Variants in DDX46 observed in about 807,000 individuals in gnomAD.
DDX46 encodes the protein probable ATP-dependent RNA helicase DDX46.
A neutral mutation model predicts 134.9 loss-of-function variants in DDX46; 30 were observed. The ratio of observed to expected loss-of-function variants is 0.22; its 90% CI spans 0.17 to 0.30. DDX46 has a LOEUF of 0.30. Ranked by LOEUF, DDX46 falls within the 10% of genes least tolerant of loss-of-function variation. The probability of loss-of-function intolerance (pLI) is 1.00; values close to 1 mark genes in which losing one functional copy is unlikely to be tolerated. For missense variants in DDX46, 622 were observed against 1,248.7 expected (o/e 0.50, Z 7.56); for synonymous variants, 415 against 404.1 (o/e 1.03, Z -0.32).
At chr5:134,773,614 G>C in intron 4 of DDX46, 82 bp from the exon 5 acceptor site, 1 of 1,439,976 alleles carries the variant, frequency 6.9e-7, no homozygotes, top group African/African-American at 1.4e-5. Flanking sequence ...GAACTTACTG[G>C]AATGTCACTT....
intron 13 of DDX46, among the ~76,000 whole-genome samples, chr5:134,792,715 A>T (rs1025783201): frequency 8.5e-5 from 13 of 152,230 alleles, no homozygotes; most frequent in Non-Finnish European, 1.9e-4. Context: ...CAGGTACATA[A>T]GTACATATAA....
intron 18 of DDX46, among the ~76,000 whole-genome samples, chr5:134,815,219 G>A (rs1222808400): frequency 1.3e-5 from 2 of 152,086 alleles, no homozygotes; most frequent in Non-Finnish European, 2.9e-5. Context: ...AAAGCTAAAC[G>A]GACTGTTTTT....
rs186677690 is a variant in DDX46, at chr5:134,783,323, C to T, written c.1166+258C>T. Among the ~76,000 whole-genome samples the T allele has an allele frequency of 1.5e-3, 219 of 150,984 alleles. 2 individuals carry two copies. In the Middle Eastern group the frequency reaches 0.02, roughly 14 times the overall value. ...GGAGTGCAGTGGTGCAATCTCACTG[C>T]GCTCACTGTGACCTCGGCCTCCCGG... On this transcript the variant is annotated intron_variant, in intron 9 of 22. Coordinates refer to ENST00000452510, the MANE Select transcript of DDX46 (RefSeq NM_001300860.2).
At chr5:134,793,838 A>C (rs1277747153) in intron 13 of DDX46, among the ~76,000 whole-genome samples, 1 of 152,204 alleles carries the variant, frequency 6.6e-6, no homozygotes, top group East Asian at 1.9e-4. Context: ...CAGTCTGGCA[A>C]GGATTGCCCT....
chr5:134,772,631 G>A (rs1036635198), intron 4 of DDX46, among the ~76,000 whole-genome samples: 2 of 152,156 alleles, frequency 1.3e-5, no homozygotes, highest in South Asian at 2.1e-4. Flanking sequence ...AGCCTCCTGA[G>A]TAGCTGGGAT....
intron 3 of DDX46, among the ~76,000 whole-genome samples, chr5:134,769,327 GTTTT>G (rs1026334806): frequency 3.0e-5 from 3 of 100,466 alleles, no homozygotes; most frequent in East Asian, 6.9e-4. Flanking sequence ...TATTTTCAAG[GTTTT>G]TTTTTTTTTT....
chr5:134,798,173 GTTT>G (rs1200526938), intron 15 of DDX46, among the ~76,000 whole-genome samples: 15 of 140,034 alleles, frequency 1.1e-4, no homozygotes, highest in East Asian at 6.4e-4. Flanking sequence ...GCCCCCCACC[GTTT>G]TTTTTTTTTT....
At chr5:134,774,829 C>T (rs748978612) in intron 5 of DDX46, among the ~76,000 whole-genome samples, 5 of 152,032 alleles carry the variant, frequency 3.3e-5, no homozygotes, top group Non-Finnish European at 7.4e-5. Context: ...CCAGAGTAGC[C>T]ACCATGCCTG....
At chr5:134,780,216 GTA>G (rs1419437191) in intron 6 of DDX46, among the ~76,000 whole-genome samples, 7 of 151,106 alleles carry the variant, frequency 4.6e-5, no homozygotes. Flanking sequence ...GTATATGTGT[GTA>G]TATGTGTGTG....
chr5:134,783,654 A>T (rs920920663), intron 9 of DDX46, among the ~76,000 whole-genome samples: 9 of 136,960 alleles, frequency 6.6e-5, no homozygotes, highest in Non-Finnish European at 1.1e-4. Flanking sequence ...GGTTCAAGTG[A>T]TACTTTTGCC....
rs1259170391 is a variant in DDX46, at chr5:134,830,622, C to T, written c.*1916C>T. 1 of 152,302 alleles carries T rather than the reference C, an allele frequency of 6.6e-6. No individual in the cohort carries two copies. The highest frequency in any genetic ancestry group is 2.4e-5 in the African/African-American group (1 of 41,396). The allele number at this position is 152,302 out of a possible 1,614,324, so 9.4% of individuals were successfully genotyped here. On this transcript the variant is annotated 3_prime_UTR_variant, in exon 23 of 23. Coordinates refer to ENST00000452510, the MANE Select transcript of DDX46 (RefSeq NM_001300860.2). ...TTTCTTCAGTATAAAGTTATTCTTC[C>T]TGAAAAAGTAAGATATACCTGGGAA...
intron 18 of DDX46, among the ~76,000 whole-genome samples, chr5:134,815,448 C>G (rs1755260353): frequency 6.6e-6 from 1 of 151,894 alleles, no homozygotes; most frequent in South Asian, 2.1e-4. Context: ...GTGGCTCATG[C>G]CTGTAATCCC....
At chr5:134,822,304 A>G (rs1292263762) in intron 21 of DDX46, among the ~76,000 whole-genome samples, 2 of 151,958 alleles carry the variant, frequency 1.3e-5, no homozygotes, top group African/African-American at 2.4e-5. Flanking sequence ...AGTCCCATCT[A>G]TTTTTTTGTT....
At position 134,811,259 on chromosome 5, in the gene DDX46, C is replaced by T. The variant is rs1470922388; in HGVS notation, c.2187C>T (p.Arg729=). 5 of 1,614,026 alleles carry T rather than the reference C, an allele frequency of 3.1e-6. No homozygotes were observed. The highest frequency in any genetic ancestry group is 2.2e-5 in the East Asian group (1 of 44,846). ...AYTFITEDQA[R]YAGDIIKALE... ...CTTTTATCACAGAGGATCAAGCTCG[C>T]TATGCTGGTGACATAATTAAAGCTC... The change falls in exon 17 of 23, where the codon CGC becomes CGT. Residue 729 remains arginine (R), a synonymous_variant. Transcript: ENST00000452510.
intron 16 of DDX46, among the ~76,000 whole-genome samples, chr5:134,810,278 A>C (rs1426990011): frequency 6.6e-6 from 1 of 151,744 alleles, no homozygotes; most frequent in East Asian, 1.9e-4. Flanking sequence ...AAAAAGGAAA[A>C]ACAAAAAACA....
chr5:134,777,581 AGAT>A lies in DDX46; in HGVS notation c.625_627del (p.Asp209del). ...TGTATTCTGGTATTTTAGATGACGA[AGAT>A]GATCCTGCAGAAGCTGAAAAGGAGG... On this transcript the variant is annotated inframe_deletion, in exon 6 of 23. Coordinates refer to ENST00000452510, the MANE Select transcript of DDX46 (RefSeq NM_001300860.2). The A allele has an allele frequency of 6.2e-7, 1 of 1,612,568 alleles. No homozygotes were observed. Among genetic ancestry groups the A allele is most frequent in the Non-Finnish European group, 8.5e-7 (1 of 1,179,770 alleles).
intron 11 of DDX46, among the ~76,000 whole-genome samples, chr5:134,786,727 A>T (rs1334446324): frequency 6.6e-6 from 1 of 152,058 alleles, no homozygotes; most frequent in African/African-American, 2.4e-5. Context: ...TGCCTGTAAT[A>T]TCAGCTACTC....
rs1208943709 is a variant in DDX46 at position 134,785,484 on chromosome 5, T to G, written c.1362T>G (p.Thr454=). 6.2e-7 allele frequency: 1 copy of G among 1,613,200 alleles called. No individual in the cohort carries two copies. Among genetic ancestry groups the G allele is most frequent in the African/African-American group, 1.3e-5 (1 of 74,896 alleles). ...EGPIAVIMTP[T]RELALQITKE... is the part of the protein sequence containing the mutation. ...TTCCAGCTGTCATCATGACTCCAAC[T>G]CGAGAACTGGCTTTACAGATTACTA... is the stretch of plus-strand genomic sequence containing the variant. The change falls in exon 11 of 23, where the codon ACT becomes ACG. Residue 454 remains threonine, a synonymous_variant. Coordinates refer to ENST00000452510, the MANE Select transcript of DDX46 (RefSeq NM_001300860.2).
chr5:134,769,327 G>GTTTTTTTTTTTTTTTTTTTTTTTTGT (rs1026334806), intron 3 of DDX46, among the ~76,000 whole-genome samples: 1 of 100,482 alleles, frequency 1.0e-5, no homozygotes, highest in Non-Finnish European at 2.0e-5. Context: ...TATTTTCAAG[G>GTTTTTTTTTTTTTTTTTTTTTTTTGT]TTTTTTTTTT....
Sources: allele counts gnomAD v4.1 joint callset (sites outside exome capture counted in the v4.1 genomes callset), GRCh38; gene constraint gnomAD v4.1.1; transcripts MANE v1.5; gene names NCBI Gene and HGNC (gene_info 2026-07-23, HGNC 2026-07-21).